KCNH1: variants seen among roughly 807,000 people sequenced by gnomAD.
KCNH1 encodes the protein potassium voltage-gated channel subfamily H member 1, also known as voltage-gated delayed rectifier potassium channel KCNH1.
In KCNH1, 27 loss-of-function variants were observed where a neutral mutation model predicts 69.2. The ratio of observed to expected loss-of-function variants is 0.39; its 90% confidence interval spans 0.29 to 0.54. KCNH1 has a LOEUF of 0.54. KCNH1 is among the 20% of genes least tolerant of loss of function. The probability of loss-of-function intolerance (pLI) is 0.68; values close to 1 mark genes in which losing one functional copy is unlikely to be tolerated. For synonymous variants in KCNH1, 456 were observed against 487.7 expected, an observed-to-expected ratio of 0.93 and a Z score of 0.86; for missense variants, 798 against 1,261.6, an observed-to-expected ratio of 0.63 and a Z score of 5.57.
intron 5 of KCNH1, among the ~76,000 whole-genome samples, chr1:211,048,247 G>A (rs1341336329): frequency 1.3e-5 from 2 of 152,194 alleles, no homozygotes; most frequent in Non-Finnish European, 2.9e-5. Context: ...ATGTTAACTA[G>A]TACAATCACT....
chr1:210,718,165 TTTTA>T (rs1455161351), intron 10 of KCNH1, among the ~76,000 whole-genome samples: 9 of 147,468 alleles, frequency 6.1e-5, no homozygotes, highest in African/African-American at 2.2e-4. Flanking sequence ...AATTTTAATG[TTTTA>T]TTTAACATAA....
intron 10 of KCNH1, among the ~76,000 whole-genome samples, chr1:210,754,141 G>A (rs369009827): frequency 4.7e-4 from 71 of 151,774 alleles, no homozygotes; most frequent in African/African-American, 1.7e-3. Flanking sequence ...GGATGGTCTC[G>A]ATCTGCTGAC....
chr1:210,723,864 C>T (rs964490925), intron 10 of KCNH1, among the ~76,000 whole-genome samples: 1 of 152,082 alleles, frequency 6.6e-6, no homozygotes, highest in African/African-American at 2.4e-5. Flanking sequence ...ATGCTGTCCT[C>T]ACGTGGACAG....
chr1:210,701,232 C>T (rs987363568), intron 10 of KCNH1, among the ~76,000 whole-genome samples: 6 of 152,138 alleles, frequency 3.9e-5, no homozygotes, highest in Admixed American at 6.5e-5. Flanking sequence ...CCACCACACC[C>T]GGCCCTTTTT....
intron 7 of KCNH1, among the ~76,000 whole-genome samples, chr1:210,888,838 C>G (rs6660844): frequency 0.17 from 25,902 of 152,130 alleles, 2,881 homozygotes; most frequent in Non-Finnish European, 0.26. Context: ...ATATACCCCC[C>G]CAAGACTAAA....
chr1:210,752,186 G>A (rs1445902438), intron 10 of KCNH1, among the ~76,000 whole-genome samples: 1 of 152,206 alleles, frequency 6.6e-6, no homozygotes, highest in East Asian at 1.9e-4. Context: ...TTTACTCCAA[G>A]GCTGTAAGGA....
At chr1:211,092,594 A>C (rs967246199) in intron 3 of KCNH1, among the ~76,000 whole-genome samples, 5 of 152,200 alleles carry the variant, frequency 3.3e-5, no homozygotes, top group African/African-American at 1.2e-4. Context: ...CCATATAAAA[A>C]TCACAAATAG....
At chr1:211,009,453 A>G (rs543881325) in intron 6 of KCNH1, among the ~76,000 whole-genome samples, 1 of 152,298 alleles carries the variant, frequency 6.6e-6, no homozygotes, top group South Asian at 2.1e-4. Context: ...TTCCTTGATC[A>G]TATGAGAAAG....
chr1:210,923,500 A>C (rs919788131), intron 6 of KCNH1, among the ~76,000 whole-genome samples: 3 of 152,236 alleles, frequency 2.0e-5, no homozygotes, highest in African/African-American at 7.2e-5. Flanking sequence ...AAGCTATGCT[A>C]TCCTCTAGCC....
At chr1:210,937,215 A>G (rs936447150) in intron 6 of KCNH1, among the ~76,000 whole-genome samples, 2 of 152,192 alleles carry the variant, frequency 1.3e-5, no homozygotes, top group Non-Finnish European at 2.9e-5. Flanking sequence ...GCTTCTCAGA[A>G]TCTACCTTCC....
At chr1:211,020,757 T>C (rs1451904836) in intron 5 of KCNH1, among the ~76,000 whole-genome samples, 1 of 151,572 alleles carries the variant, frequency 6.6e-6, no homozygotes, top group East Asian at 1.9e-4. Context: ...ACTAGCAAAC[T>C]GAATCCAACA....
At chr1:210,743,207 G>T (rs917408297) in intron 10 of KCNH1, among the ~76,000 whole-genome samples, 1 of 152,142 alleles carries the variant, frequency 6.6e-6, no homozygotes, top group Non-Finnish European at 1.5e-5. Context: ...GTAGGTGTCA[G>T]GAGAGGCACT....
At chr1:210,732,640 A>G (rs1350900880) in intron 10 of KCNH1, among the ~76,000 whole-genome samples, 1 of 152,200 alleles carries the variant, frequency 6.6e-6, no homozygotes, top group African/African-American at 2.4e-5. Flanking sequence ...TAATTTATAA[A>G]TAACAGCAAT....
Position 210,683,262 on chromosome 1 carries a change from T to G in KCNH1, c.*19A>C, listed in dbSNP as rs34689382. The G allele has an allele frequency of 0.065, 103,511 of 1,604,628 alleles. 3,769 individuals carry two copies. The highest frequency in any genetic ancestry group is 0.091 in the Middle Eastern group (549 of 6,022). On this transcript the variant is annotated 3_prime_UTR_variant, in exon 11 of 11. Transcript: ENST00000271751. The surrounding 1 kb of genome is among the most constrained non-coding windows in gnomAD (Gnocchi z 5.7). ...GGGTTGGAGGTATCTGTCTCTGACTTTTTTTTTAAATAGACCTCTCAGCTG... is the reference window on the plus strand; with the variant it reads ...GGGTTGGAGGTATCTGTCTCTGACTGTTTTTTTAAATAGACCTCTCAGCTG...
intron 4 of KCNH1, among the ~76,000 whole-genome samples, chr1:211,084,036 A>T (rs545940123): frequency 1.2e-4 from 18 of 151,640 alleles, no homozygotes; most frequent in Non-Finnish European, 2.2e-4. Flanking sequence ...ATAAAAAGCC[A>T]GTAGTGCTTT....
intron 6 of KCNH1, among the ~76,000 whole-genome samples, chr1:211,017,936 C>T (rs1382060772): frequency 6.6e-6 from 1 of 152,070 alleles, no homozygotes; most frequent in Non-Finnish European, 1.5e-5. Flanking sequence ...GTGGATCCCT[C>T]TTAAGTATAT....
intron 7 of KCNH1, among the ~76,000 whole-genome samples, chr1:210,846,267 G>A (rs867471623): frequency 1.2e-3 from 178 of 152,208 alleles, no homozygotes; most frequent in African/African-American, 3.9e-3. Context: ...AGCCCGCATC[G>A]CCAAGTCAAT....
At chr1:210,803,091 T>C (rs1163365100) in intron 8 of KCNH1, among the ~76,000 whole-genome samples, 1 of 152,134 alleles carries the variant, frequency 6.6e-6, no homozygotes, top group Non-Finnish European at 1.5e-5. Flanking sequence ...CTAGGATTGT[T>C]TTTAGTAATG....
intron 7 of KCNH1, among the ~76,000 whole-genome samples, chr1:210,893,182 T>A (rs1398883086): frequency 6.6e-6 from 1 of 152,192 alleles, no homozygotes; most frequent in African/African-American, 2.4e-5. Context: ...GTTTACATTT[T>A]TTATAGTGCT....
Sources: allele counts gnomAD v4.1 joint callset (sites outside exome capture counted in the v4.1 genomes callset), GRCh38; gene constraint gnomAD v4.1.1; non-coding constraint Gnocchi (gnomAD v3.1); transcripts MANE v1.5; gene names NCBI Gene and HGNC (gene_info 2026-07-23, HGNC 2026-07-21).